Variants in PCNX2 observed in about 807,000 individuals in gnomAD.
PCNX2 encodes the protein pecanex 2, also known as pecanex-like protein 2.
Under a neutral mutation model 223.8 loss-of-function variants are expected in PCNX2, and 168 were observed. The ratio of observed to expected loss-of-function variants is 0.75; its 90% CI spans 0.66 to 0.85. PCNX2 has a LOEUF of 0.85. Ranked by LOEUF, PCNX2 falls within the 40% of genes least tolerant of loss-of-function variation. PCNX2 has a pLI of 0.00. For missense variants in PCNX2, 2,507 were observed against 2,675.5 expected (o/e 0.94, Z 1.39); for synonymous variants, 1,006 against 1,052.6 (o/e 0.96, Z 0.86).
Position 233,054,485 on chromosome 1 carries a change from TA to T in PCNX2, c.4136-3del. On this transcript the variant is annotated splice_polypyrimidine_tract_variant and splice_region_variant and intron_variant, in intron 24 of 33. Transcript: ENST00000258229. ...AATTGAGATTGTTGTCATCATTCCC[TA>T]AAGGCAGACAAGAAATATGATCAGT... The T allele has an allele frequency of 6.2e-7, 1 of 1,607,360 alleles. No homozygotes were observed. Among genetic ancestry groups the T allele is most frequent in the African/African-American group, 1.3e-5 (1 of 74,894 alleles).
At chr1:233,305,754 C>G in the PCNX2 span, among the ~76,000 whole-genome samples, 4 of 152,262 alleles carry the variant, frequency 2.6e-5, no homozygotes, top group African/African-American at 9.6e-5. Flanking sequence ...TATGCCCAGC[C>G]TAGAAACTAA....
chr1:233,279,365 C>T (rs1218057568), intron 1 of PCNX2, among the ~76,000 whole-genome samples: 1 of 151,048 alleles, frequency 6.6e-6, no homozygotes, highest in Non-Finnish European at 1.5e-5. Flanking sequence ...CAGGCATGTG[C>T]CACCATACAC....
rs552777310 is a variant in PCNX2 at position 233,293,865 on chromosome 1, G to A, written c.153+1461C>T. 8.7e-5 allele frequency: 67 copies of A among 766,464 alleles called. No homozygotes were observed. The African/African-American group carries it at 1.1e-3, about 13-fold the overall frequency. 47.5% of individuals were successfully genotyped at this position (766,464 alleles called of 1,614,324 possible). Reference sequence around the variant, plus strand: ...AGCAGAACCAGGATTTCACCCTGGTGAGGGCTGTGCTCCTCATGACTTTGC... The same window carrying A: ...AGCAGAACCAGGATTTCACCCTGGTAAGGGCTGTGCTCCTCATGACTTTGC... On this transcript the variant is annotated intron_variant, in intron 1 of 33. Transcript: ENST00000258229.
rs555476809 is a variant in PCNX2, at chr1:233,080,214, A to AT, written c.4076+9846dup. The stretch of plus-strand genomic sequence containing the variant: ...TTCTATGTTATCATACATAACTATG[A>AT]TTTTTTGGGGGGGCTGGTTTCTCCT... On this transcript the variant is annotated intron_variant, in intron 23 of 33. Transcript: ENST00000258229. Among the ~76,000 whole-genome samples, 475 of 152,044 alleles carry AT rather than the reference A, an allele frequency of 3.1e-3. 2 individuals are homozygous for AT. The highest frequency in any genetic ancestry group is 0.011 in the African/African-American group (450 of 41,466).
chr1:233,255,178 C>T (rs1659663835), intron 5 of PCNX2, among the ~76,000 whole-genome samples: 1 of 152,036 alleles, frequency 6.6e-6, no homozygotes, highest in Admixed American at 6.6e-5. Flanking sequence ...AAACAATAAC[C>T]CCCATAATAA....
chr1:232,984,282 T>G lies in PCNX2; in HGVS notation c.*22A>C. The G allele has an allele frequency of 6.4e-7, 1 of 1,567,508 alleles. No individual in the cohort carries two copies. Among genetic ancestry groups the G allele is most frequent in the Non-Finnish European group, 8.6e-7 (1 of 1,156,672 alleles). ...GGTGGGAGGTGTGGGGGAGCCAGCC[T>G]CCCCGCCCGGCCGCACGCCCGTCAC... On this transcript the variant is annotated 3_prime_UTR_variant, in exon 34 of 34. Coordinates refer to ENST00000258229, the MANE Select transcript of PCNX2 (RefSeq NM_014801.4).
intron 21 of PCNX2, among the ~76,000 whole-genome samples, chr1:233,106,526 G>C (rs977550716): frequency 7.9e-5 from 12 of 151,762 alleles, no homozygotes; most frequent in African/African-American, 2.9e-4. Context: ...CTAACTTTTT[G>C]TGTTTTTAGT....
chr1:233,160,359 G>C lies in PCNX2; in HGVS notation c.3441C>G (p.Leu1147=). 6.2e-7 allele frequency: 1 copy of C among 1,613,388 alleles called. No individual in the cohort carries two copies. Among genetic ancestry groups the C allele is most frequent in the South Asian group, 1.1e-5 (1 of 91,080 alleles). The change falls in exon 19 of 34, where the codon CTC becomes CTG. Residue 1147 remains leucine (L), a synonymous_variant. Transcript: ENST00000258229. ...TCCACATCCAGGGATGATGCTTGCG[G>C]AGCTGAGGGAGCACGTAATGTGTTA... ...GFVTHYVLPQ[L]RKHHPWMWIS... is the part of the protein sequence containing the mutation.
Position 233,198,969 on chromosome 1 carries a change from C to A in PCNX2, c.3036G>T (p.Leu1012=). Reference sequence around the variant, plus strand: ...CTGCACTGAAGCAGACTGCGTGGAGCAGGGCGGCAGCCAAGACGCTCCGGG... The same window carrying A: ...CTGCACTGAAGCAGACTGCGTGGAGAAGGGCGGCAGCCAAGACGCTCCGGG... ...SVARSVLAAA[L]LHAVCFSAVK... The change falls in exon 15 of 34, where the codon CTG becomes CTT. Residue 1012 remains leucine (L), a synonymous_variant. Coordinates refer to ENST00000258229, the MANE Select transcript of PCNX2 (RefSeq NM_014801.4). 1 of 1,606,034 alleles carries A rather than the reference C, an allele frequency of 6.2e-7. No homozygotes were observed. Among genetic ancestry groups the A allele is most frequent in the Non-Finnish European group, 8.5e-7 (1 of 1,176,812 alleles).
intron 21 of PCNX2, among the ~76,000 whole-genome samples, chr1:233,117,554 T>C (rs1317417644): frequency 1.4e-5 from 2 of 140,542 alleles, no homozygotes; most frequent in Non-Finnish European, 3.0e-5. Flanking sequence ...TGAGCCGAGA[T>C]CGCGCCACTG....
intron 21 of PCNX2, among the ~76,000 whole-genome samples, chr1:233,131,136 G>A (rs1273140940): frequency 6.6e-6 from 1 of 152,186 alleles, no homozygotes; most frequent in Non-Finnish European, 1.5e-5. Flanking sequence ...CCTTCTGTGA[G>A]GGGGGCTGCC....
intron 21 of PCNX2, among the ~76,000 whole-genome samples, chr1:233,100,766 A>G (rs1411523900): frequency 6.6e-6 from 1 of 152,224 alleles, no homozygotes; most frequent in African/African-American, 2.4e-5. Context: ...TGTCTTAGGA[A>G]GCTATACATC....
intron 10 of PCNX2, among the ~76,000 whole-genome samples, chr1:233,219,741 C>A (rs1572099564): frequency 6.6e-6 from 1 of 152,138 alleles, no homozygotes; most frequent in East Asian, 1.9e-4. Flanking sequence ...CACACAGCCT[C>A]CCCCACCATC....
intron 22 of PCNX2, among the ~76,000 whole-genome samples, chr1:233,093,685 G>A (rs1674003401): frequency 6.6e-6 from 1 of 152,150 alleles, no homozygotes; most frequent in Admixed American, 6.6e-5. Flanking sequence ...TAAAGATCCT[G>A]TCAGTGGCCA....
chr1:233,196,237 T>C (rs972805914), intron 15 of PCNX2, among the ~76,000 whole-genome samples: 2 of 152,064 alleles, frequency 1.3e-5, no homozygotes, highest in African/African-American at 4.8e-5. Context: ...AATATAAGTA[T>C]ATTCAAATCA....
At chr1:233,214,349 C>T (rs186892591) in intron 12 of PCNX2, among the ~76,000 whole-genome samples, 68 of 152,310 alleles carry the variant, frequency 4.5e-4, no homozygotes, top group African/African-American at 1.5e-3. Flanking sequence ...GTTTCCCAAG[C>T]TCTCACAGCT....
chr1:233,226,746 CAATAAG>C (rs1657748347), intron 10 of PCNX2, among the ~76,000 whole-genome samples: 2 of 152,078 alleles, frequency 1.3e-5, no homozygotes, highest in Non-Finnish European at 2.9e-5. Context: ...TACAAGTGAG[CAATAAG>C]AATCCAAGGT....
chr1:233,276,614 T>C (rs1660928915), intron 1 of PCNX2, among the ~76,000 whole-genome samples: 1 of 152,152 alleles, frequency 6.6e-6, no homozygotes, highest in Admixed American at 6.5e-5. Flanking sequence ...ATACAGAGGT[T>C]AAGAAATAAG....
At chr1:233,280,253 G>T (rs1264762121) in intron 1 of PCNX2, among the ~76,000 whole-genome samples, 1 of 149,198 alleles carries the variant, frequency 6.7e-6, no homozygotes, top group Non-Finnish European at 1.5e-5. Context: ...ACATCCCTTT[G>T]AATTCTTGAG....
Sources: gnomAD v4.1 joint callset for allele counts (sites outside exome capture counted in the v4.1 genomes callset) on GRCh38, gnomAD v4.1.1 for gene constraint, MANE v1.5 for transcripts, NCBI Gene and HGNC (gene_info 2026-07-23, HGNC 2026-07-21) for gene names.